Variants in ZFPM2 observed in about 807,000 individuals in gnomAD.
The protein encoded by ZFPM2 is zinc finger protein ZFPM2.
ZFPM2 carries 20 observed loss-of-function variants against 98.6 expected under a neutral mutation model. The observed-to-expected ratio is 0.20, with a 90% confidence interval of 0.14 to 0.29. ZFPM2 has a LOEUF of 0.29. Among genes scored for constraint, ZFPM2 ranks in the 10% least tolerant of loss-of-function variants. ZFPM2 has a pLI of 1.00. For missense variants in ZFPM2, 1,310 were observed against 1,388.6 expected, an observed-to-expected ratio of 0.94 and a Z score of 0.90; for synonymous variants, 518 against 502.7, an observed-to-expected ratio of 1.03 and a Z score of -0.41.
intron 5 of ZFPM2, among the ~76,000 whole-genome samples, chr8:105,676,517 T>C (rs1265360671): frequency 6.6e-6 from 1 of 152,148 alleles, no homozygotes; most frequent in Non-Finnish European, 1.5e-5. Flanking sequence ...CAATATATAG[T>C]ATTTGACTGT....
chr8:105,323,967 ATCTT>A (rs1390449686), intron 1 of ZFPM2, among the ~76,000 whole-genome samples: 1 of 151,830 alleles, frequency 6.6e-6, no homozygotes, highest in African/African-American at 2.4e-5. Flanking sequence ...AATATTATAT[ATCTT>A]AGTATTTCTT....
intron 4 of ZFPM2, among the ~76,000 whole-genome samples, chr8:105,596,687 A>G (rs1815976410): frequency 6.6e-6 from 1 of 151,298 alleles, no homozygotes; most frequent in African/African-American, 2.4e-5. Flanking sequence ...GTCATCGTAT[A>G]AAGCAACTCA....
chr8:105,705,032 C>G (rs1396315863), intron 5 of ZFPM2, among the ~76,000 whole-genome samples: 1 of 152,040 alleles, frequency 6.6e-6, no homozygotes, highest in African/African-American at 2.4e-5. Context: ...TTTGTAAAAT[C>G]TAAGCCAGTA....
intron 4 of ZFPM2, among the ~76,000 whole-genome samples, chr8:105,594,320 C>A (rs1227604029): frequency 6.6e-6 from 1 of 152,076 alleles, no homozygotes. Flanking sequence ...CCAAGAGGGT[C>A]TGGCAGTAAA....
intron 3 of ZFPM2, among the ~76,000 whole-genome samples, chr8:105,449,327 T>C (rs1812440302): frequency 6.6e-6 from 1 of 152,044 alleles, no homozygotes; most frequent in Non-Finnish European, 1.5e-5. Context: ...CACAATAACA[T>C]GTGTTAATGC....
chr8:105,465,364 G>C (rs752967768), intron 3 of ZFPM2, among the ~76,000 whole-genome samples: 3 of 151,826 alleles, frequency 2.0e-5, no homozygotes, highest in Non-Finnish European at 4.4e-5. Context: ...ATTGAATATA[G>C]AACCATATTG....
chr8:105,525,771 C>A (rs1303167577), intron 3 of ZFPM2, among the ~76,000 whole-genome samples: 4 of 152,068 alleles, frequency 2.6e-5, no homozygotes, highest in Non-Finnish European at 4.4e-5. Flanking sequence ...AAGGACAAAC[C>A]AGTGTGGTGA....
At chr8:105,442,663 G>A (rs1049866325) in intron 2 of ZFPM2, among the ~76,000 whole-genome samples, 5 of 152,270 alleles carry the variant, frequency 3.3e-5, no homozygotes, top group Middle Eastern at 3.4e-3. Context: ...CGTGCTCTCC[G>A]TTAAGTAAAC....
intron 1 of ZFPM2, among the ~76,000 whole-genome samples, chr8:105,351,509 C>G (rs1812646140): frequency 1.3e-5 from 2 of 152,044 alleles, no homozygotes; most frequent in South Asian, 4.1e-4. Context: ...GCAAATTCAA[C>G]TTTGTACTTA....
At chr8:105,614,314 T>A (rs184627803) in intron 4 of ZFPM2, among the ~76,000 whole-genome samples, 1 of 152,294 alleles carries the variant, frequency 6.6e-6, no homozygotes, top group Admixed American at 6.5e-5. Flanking sequence ...GACTCATTTA[T>A]GTGGAGTTTC....
chr8:105,713,521 A>G (rs184775646), intron 5 of ZFPM2, among the ~76,000 whole-genome samples: 73 of 152,172 alleles, frequency 4.8e-4, no homozygotes, highest in African/African-American at 1.7e-3. Context: ...CTTTAGTTTA[A>G]TTAGGTCTCA....
At chr8:105,410,731 G>C (rs1016387380) in intron 1 of ZFPM2, among the ~76,000 whole-genome samples, 6 of 151,824 alleles carry the variant, frequency 4.0e-5, no homozygotes, top group African/African-American at 7.2e-5. Context: ...TGTATATGTG[G>C]TATCTCATAG....
chr8:105,494,219 AT>A (rs1813415525), intron 3 of ZFPM2, among the ~76,000 whole-genome samples: 1 of 136,844 alleles, frequency 7.3e-6, no homozygotes, highest in Non-Finnish European at 1.6e-5. Flanking sequence ...ATATATATAT[AT>A]ATATATAATC....
At chr8:105,788,960 G>T (rs1377198425) in intron 6 of ZFPM2, 36 bp downstream of exon 6, 1 of 1,522,230 alleles carries the variant, frequency 6.6e-7, no homozygotes, top group Non-Finnish European at 8.9e-7. Flanking sequence ...AGCTTTAGAG[G>T]TGATGGGAAT....
At chr8:105,629,071 G>A (rs1195920736) in intron 4 of ZFPM2, among the ~76,000 whole-genome samples, 3 of 152,200 alleles carry the variant, frequency 2.0e-5, no homozygotes, top group Admixed American at 6.5e-5. Flanking sequence ...CGGCACTAAA[G>A]CATCTGGCTG....
chr8:105,803,628 C>A lies in ZFPM2; in HGVS notation c.*90C>A. On this transcript the variant is annotated 3_prime_UTR_variant, in exon 8 of 8. Coordinates refer to ENST00000407775, the MANE Select transcript of ZFPM2 (RefSeq NM_012082.4). The stretch of plus-strand genomic sequence containing the variant: ...AAAAAATAAGCTGTTTGAATTACAT[C>A]TGGGCAATCAGGAGATAATTCATTA... 1.6e-6 allele frequency: 2 copies of A among 1,290,134 alleles called. No homozygotes were observed. The highest frequency in any genetic ancestry group is 2.2e-6 in the Non-Finnish European group (2 of 921,606). 79.9% of individuals were successfully genotyped at this position (1,290,134 alleles called of 1,614,324 possible).
chr8:105,666,422 C>T (rs775556831), intron 5 of ZFPM2, among the ~76,000 whole-genome samples: 1 of 152,152 alleles, frequency 6.6e-6, no homozygotes, highest in Non-Finnish European at 1.5e-5. Flanking sequence ...CCCAAAAGCA[C>T]CACCTGCAAG....
chr8:105,461,663 C>A (rs1379720265), intron 3 of ZFPM2, among the ~76,000 whole-genome samples: 1 of 152,116 alleles, frequency 6.6e-6, no homozygotes, highest in African/African-American at 2.4e-5. Context: ...TTTTAGCATT[C>A]TCTTTTTCAT....
intron 5 of ZFPM2, among the ~76,000 whole-genome samples, chr8:105,674,135 C>T (rs548203651): frequency 1.3e-5 from 2 of 152,104 alleles, no homozygotes; most frequent in Non-Finnish European, 2.9e-5. Context: ...TAGCTCTAAT[C>T]GTAAATAATA....
Sources: gnomAD v4.1 joint callset for allele counts (sites outside exome capture counted in the v4.1 genomes callset) on GRCh38, gnomAD v4.1.1 for gene constraint, MANE v1.5 for transcripts, NCBI Gene and HGNC (gene_info 2026-07-23, HGNC 2026-07-21) for gene names.